Variants in ST3GAL3 observed in about 807,000 individuals in gnomAD.
ST3GAL3 encodes ST3 beta-galactoside alpha-2,3-sialyltransferase 3.
A neutral mutation model predicts 50.1 loss-of-function variants in ST3GAL3; 21 were observed. The observed-to-expected ratio is 0.42, with a 90% CI of 0.30 to 0.60. The LOEUF (loss-of-function observed/expected upper bound fraction) is 0.60. ST3GAL3 is among the 20% of genes least tolerant of loss of function. The pLI is 0.19. For missense variants in ST3GAL3, 353 were observed against 489.4 expected, an observed-to-expected ratio of 0.72 and a Z score of 2.63; for synonymous variants, 183 against 190.0, an observed-to-expected ratio of 0.96 and a Z score of 0.30.
intron 3 of ST3GAL3, among the ~76,000 whole-genome samples, chr1:43,808,172 C>T (rs1200999044): frequency 6.6e-6 from 1 of 151,844 alleles, no homozygotes; most frequent in African/African-American, 2.4e-5. Context: ...GGCATAGTGG[C>T]GGGCGCCTGT....
chr1:43,749,828 CAGAG>C (rs150622317), intron 2 of ST3GAL3, among the ~76,000 whole-genome samples: 1 of 152,124 alleles, frequency 6.6e-6, no homozygotes, highest in African/African-American at 2.4e-5. Context: ...AAGGGCTTGA[CAGAG>C]AGAGTTTGGT....
intron 2 of ST3GAL3, among the ~76,000 whole-genome samples, chr1:43,789,456 C>T (rs955191371): frequency 6.6e-6 from 1 of 152,062 alleles, no homozygotes; most frequent in African/African-American, 2.4e-5. Context: ...TTGAATTGCA[C>T]ACTTATATGA....
At chr1:43,834,959 G>A (rs2064089735) in intron 4 of ST3GAL3, among the ~76,000 whole-genome samples, 1 of 152,162 alleles carries the variant, frequency 6.6e-6, no homozygotes, top group African/African-American at 2.4e-5. Flanking sequence ...CTTAAACTCA[G>A]TCCTTCTGAG....
rs117741909 is a variant in ST3GAL3, at chr1:43,875,192, G to A, written c.303-19191G>A. Among the ~76,000 whole-genome samples, 371 of 152,226 alleles carry A rather than the reference G, an allele frequency of 2.4e-3. 8 individuals carry two copies. The highest frequency in any genetic ancestry group is 0.019 in the Admixed American group (286 of 15,298). ...AGGAAGTAAAGGACAGTGAAAAGAC[G>A]GTCAAACCAATGGCTTGATGATTTC... On this transcript the variant is annotated intron_variant, in intron 5 of 11. Coordinates refer to ENST00000347631, the MANE Select transcript of ST3GAL3 (RefSeq NM_006279.5).
At chr1:43,771,503 G>A (rs1020593657) in intron 2 of ST3GAL3, among the ~76,000 whole-genome samples, 2 of 151,908 alleles carry the variant, frequency 1.3e-5, no homozygotes, top group African/African-American at 4.8e-5. Flanking sequence ...GACTACAGGC[G>A]CCTGCCACCA....
chr1:43,755,080 T>C (rs1362576452), intron 2 of ST3GAL3, among the ~76,000 whole-genome samples: 1 of 152,224 alleles, frequency 6.6e-6, no homozygotes, highest in African/African-American at 2.4e-5. Flanking sequence ...ATCATAGACA[T>C]GGTTAATACA....
Position 43,899,817 on chromosome 1 carries a change from G to A in ST3GAL3, c.744+90G>A, listed in dbSNP as rs1464564175. On this transcript the variant is annotated intron_variant, in intron 9 of 11. Transcript: ENST00000347631. The surrounding 1 kb of genome is among the most constrained non-coding windows in gnomAD (Gnocchi z 5.4). ...CCGCCCCTTGAATGCAGCAAAGAAC[G>A]AGTAAGAACCTTCAAAGGAAACATT... 6.3e-6 allele frequency: 8 copies of A among 1,271,384 alleles called. No individual in the cohort carries two copies. The highest frequency in any genetic ancestry group is 2.9e-5 in the African/African-American group (2 of 67,906). 78.8% of individuals were successfully genotyped at this position (1,271,384 alleles called of 1,614,324 possible).
chr1:43,759,063 GCGCACACACA>G (rs199567963), intron 2 of ST3GAL3, among the ~76,000 whole-genome samples: 26,957 of 132,266 alleles, frequency 0.2, 3,148 homozygotes, highest in East Asian at 0.52. Context: ...ACAAAAGCGC[GCGCACACACA>G]CACACACACA....
At chr1:43,749,210 G>A (rs1165976568) in intron 2 of ST3GAL3, among the ~76,000 whole-genome samples, 1 of 152,170 alleles carries the variant, frequency 6.6e-6, no homozygotes, top group East Asian at 1.9e-4. Flanking sequence ...AATTTTAAGT[G>A]GATCGTAGAC....
At chr1:43,777,040 T>A (rs1697518651) in intron 2 of ST3GAL3, among the ~76,000 whole-genome samples, 2 of 152,298 alleles carry the variant, frequency 1.3e-5, no homozygotes, top group Admixed American at 1.3e-4. Flanking sequence ...CAGAGTCTCA[T>A]CATGTCTAAG....
intron 11 of ST3GAL3, among the ~76,000 whole-genome samples, chr1:43,925,203 T>C (rs542681045): frequency 6.7e-6 from 1 of 148,172 alleles, no homozygotes; most frequent in Admixed American, 7.0e-5. Context: ...AGCAGGAGAA[T>C]TGCTTGAGCC....
chr1:43,898,705 G>C lies in ST3GAL3; in HGVS notation c.461+407G>C, dbSNP rs186915835. Among the ~76,000 whole-genome samples the C allele has an allele frequency of 2.6e-5, 4 of 152,284 alleles. No homozygotes were observed. In the East Asian group the frequency reaches 7.7e-4, roughly 29 times the overall value. On this transcript the variant is annotated intron_variant, in intron 7 of 11. Coordinates refer to ENST00000347631, the MANE Select transcript of ST3GAL3 (RefSeq NM_006279.5). ...CCAGGGTCAGGGATGGGAGAAGCAA[G>C]ATGGGTAAGCTCTCTAGTGGCTGCT...
At chr1:43,714,284 C>T (rs1312978977) in intron 1 of ST3GAL3, among the ~76,000 whole-genome samples, 1 of 145,702 alleles carries the variant, frequency 6.9e-6, no homozygotes, top group Admixed American at 6.9e-5. Flanking sequence ...AAAAAAAAAT[C>T]CCATACAAAT....
intron 4 of ST3GAL3, chr1:43,824,689 C>T (rs1435331911): frequency 6.2e-7 from 1 of 1,613,400 alleles, no homozygotes; most frequent in Admixed American, 1.7e-5. Context: ...ACATCTTGAG[C>T]TATGTGATCA....
chr1:43,870,303 T>A (rs1371197511), intron 5 of ST3GAL3, among the ~76,000 whole-genome samples: 2 of 152,242 alleles, frequency 1.3e-5, no homozygotes, highest in African/African-American at 4.8e-5. Flanking sequence ...TGCCAATATG[T>A]AAGCCCTGTA....
At chr1:43,815,014 C>T (rs958059087) in intron 4 of ST3GAL3, 81 bp downstream of exon 4, 1 of 1,387,552 alleles carries the variant, frequency 7.2e-7, no homozygotes, top group African/African-American at 1.4e-5. Flanking sequence ...GGTCAGCTCT[C>T]ATCACTCTTC....
intron 11 of ST3GAL3, among the ~76,000 whole-genome samples, chr1:43,923,297 C>T (rs2083379099): frequency 6.6e-6 from 1 of 151,696 alleles, no homozygotes; most frequent in Non-Finnish European, 1.5e-5. Context: ...AGCCAAGGCT[C>T]CATCTCAGAC....
chr1:43,919,302 C>T (rs1442478052), intron 9 of ST3GAL3: 1 of 152,176 alleles, frequency 6.6e-6, no homozygotes, highest in Non-Finnish European at 1.5e-5. Context: ...TGGTCTTGAA[C>T]TCCTAACCTC....
intron 2 of ST3GAL3, among the ~76,000 whole-genome samples, chr1:43,782,856 A>G (rs772554524): frequency 6.6e-6 from 1 of 152,238 alleles, no homozygotes; most frequent in African/African-American, 2.4e-5. Flanking sequence ...GTTTGGCAGT[A>G]AAATCTGACC....
Sources: allele counts gnomAD v4.1 joint callset (sites outside exome capture counted in the v4.1 genomes callset), GRCh38; gene constraint gnomAD v4.1.1; non-coding constraint Gnocchi (gnomAD v3.1); transcripts MANE v1.5; gene names NCBI Gene and HGNC (gene_info 2026-07-23, HGNC 2026-07-21).